PHKB: variants seen among roughly 807,000 people sequenced by gnomAD.
The protein encoded by PHKB is phosphorylase b kinase regulatory subunit beta.
A neutral mutation model predicts 152.1 loss-of-function variants in PHKB; 122 were observed. That is an observed-to-expected ratio of 0.80 (90% CI 0.69 to 0.93). The LOEUF (loss-of-function observed/expected upper bound fraction) is 0.93, where lower values mean the gene tolerates loss of function less well. PHKB is among the 40% of genes least tolerant of loss of function. The pLI is 0.00. For synonymous variants in PHKB, 436 were observed against 464.9 expected (o/e 0.94, Z 0.80); for missense variants, 1,304 against 1,328.4 (o/e 0.98, Z 0.29).
chr16:47,623,780 A>G (rs1330766721), intron 14 of PHKB, among the ~76,000 whole-genome samples: 1 of 151,628 alleles, frequency 6.6e-6, no homozygotes, highest in Non-Finnish European at 1.5e-5. Flanking sequence ...TTGGTCTCGA[A>G]CTCCTGATCT....
At chr16:47,504,264 T>C (rs986073039) in intron 4 of PHKB, among the ~76,000 whole-genome samples, 6 of 152,242 alleles carry the variant, frequency 3.9e-5, no homozygotes, top group African/African-American at 1.2e-4. Flanking sequence ...TTGTAACATA[T>C]GTAAAATGTC....
intron 6 of PHKB, among the ~76,000 whole-genome samples, chr16:47,539,380 T>G (rs1158320788): frequency 6.6e-6 from 1 of 152,088 alleles, no homozygotes; most frequent in Admixed American, 6.6e-5. Context: ...TTTTAATATC[T>G]AAAGTTTTAG....
chr16:47,511,641 G>T, intron 4 of PHKB, 24 bp from the exon 5 acceptor site: 5 of 1,466,116 alleles, frequency 3.4e-6, no homozygotes, highest in Non-Finnish European at 4.8e-6. Context: ...TACTAATGTT[G>T]TTTAATTTTA....
intron 1 of PHKB, among the ~76,000 whole-genome samples, chr16:47,479,744 C>T (rs1392914178): frequency 2.0e-5 from 3 of 152,168 alleles, no homozygotes; most frequent in Non-Finnish European, 4.4e-5. Context: ...TCCTCATATT[C>T]CAAACTTGAA....
At chr16:47,533,514 C>G (rs1030815886) in intron 6 of PHKB, among the ~76,000 whole-genome samples, 1 of 152,202 alleles carries the variant, frequency 6.6e-6, no homozygotes, top group African/African-American at 2.4e-5. Flanking sequence ...GCCTTGGCTT[C>G]CCTTAGGTGT....
chr16:47,660,893 G>T, intron 22 of PHKB, 74 bp downstream of exon 22: 1 of 1,445,742 alleles, frequency 6.9e-7, no homozygotes, highest in Non-Finnish European at 9.7e-7. Context: ...CAGACCATAT[G>T]TCTTTTTGTC....
chr16:47,540,080 C>G (rs998738707), intron 6 of PHKB, among the ~76,000 whole-genome samples: 2 of 152,088 alleles, frequency 1.3e-5, no homozygotes, highest in Non-Finnish European at 2.9e-5. Flanking sequence ...AATTCTTTTC[C>G]TAGCAAATAA....
intron 1 of PHKB, among the ~76,000 whole-genome samples, chr16:47,473,218 ATTT>A (rs1043960499): frequency 2.5e-4 from 12 of 48,760 alleles, no homozygotes; most frequent in East Asian, 2.3e-3. Flanking sequence ...TGCCTGGCTA[ATTT>A]TTTTTTTTTT....
intron 8 of PHKB, among the ~76,000 whole-genome samples, chr16:47,584,295 ATAT>A (rs1191273678): frequency 6.6e-6 from 1 of 152,164 alleles, no homozygotes; most frequent in Admixed American, 6.5e-5. Flanking sequence ...ATATATTTAA[ATAT>A]TATTTAAATA....
At chr16:47,610,747 G>T in intron 13 of PHKB, 79 bp from the exon 14 acceptor site, 1 of 798,836 alleles carries the variant, frequency 1.3e-6, no homozygotes, top group Non-Finnish European at 2.2e-6. Context: ...TCTTGTTGGA[G>T]TATTTTCTAA....
At chr16:47,600,633 A>G (rs1381313778) in intron 13 of PHKB, among the ~76,000 whole-genome samples, 3 of 152,196 alleles carry the variant, frequency 2.0e-5, no homozygotes, top group African/African-American at 7.2e-5. Flanking sequence ...TACCTAGCCT[A>G]TATGATATAG....
rs971545151 is a variant in PHKB at position 47,678,767 on chromosome 16, T to C, written c.2630+9350T>C. Reference sequence around the variant, plus strand: ...TTTCTTTTGCTGTGCAGAAGCTCTTTAGTTTAATTAGATCCCATTTGTCAA... The same window carrying C: ...TTTCTTTTGCTGTGCAGAAGCTCTTCAGTTTAATTAGATCCCATTTGTCAA... On this transcript the variant is annotated intron_variant, in intron 26 of 30. Coordinates refer to ENST00000323584, the MANE Select transcript of PHKB (RefSeq NM_000293.3). Among the ~76,000 whole-genome samples, 56 of 152,172 alleles carry C rather than the reference T, an allele frequency of 3.7e-4. 1 individual carries two copies. In the Middle Eastern group the frequency reaches 0.01, roughly 28 times the overall value.
intron 28 of PHKB, among the ~76,000 whole-genome samples, chr16:47,695,585 T>C (rs1200385264): frequency 6.6e-6 from 1 of 152,194 alleles, no homozygotes; most frequent in African/African-American, 2.4e-5. Context: ...TAGATAGACA[T>C]GGTTCTGAAC....
intron 6 of PHKB, among the ~76,000 whole-genome samples, chr16:47,542,548 C>T (rs569382969): frequency 6.6e-6 from 1 of 152,212 alleles, no homozygotes; most frequent in African/African-American, 2.4e-5. Flanking sequence ...AAGTCCTTGG[C>T]AGCTTGTTAG....
chr16:47,646,553 A>T (rs957613473), intron 16 of PHKB, among the ~76,000 whole-genome samples: 2 of 146,266 alleles, frequency 1.4e-5, no homozygotes, highest in African/African-American at 5.2e-5. Flanking sequence ...AACATTAAAA[A>T]TAAAAAATAA....
chr16:47,511,829 C>A, intron 5 of PHKB, 57 bp downstream of exon 5: 1 of 1,169,378 alleles, frequency 8.6e-7, no homozygotes, highest in Non-Finnish European at 1.3e-6. Context: ...GAACAGTGAT[C>A]CCCAACCTTT....
intron 7 of PHKB, among the ~76,000 whole-genome samples, chr16:47,567,060 C>G (rs1971582019): frequency 6.6e-6 from 1 of 152,076 alleles, no homozygotes; most frequent in African/African-American, 2.4e-5. Flanking sequence ...CTTTGGATTA[C>G]TTTGACTATT....
chr16:47,464,388 C>T (rs1323624408), intron 1 of PHKB, among the ~76,000 whole-genome samples: 4 of 152,212 alleles, frequency 2.6e-5, no homozygotes, highest in African/African-American at 9.7e-5. Context: ...CATCAGCTTA[C>T]TGTGAAGCAG....
At chr16:47,699,118 T>C in intron 30 of PHKB, 111 bp from the exon 31 acceptor site, 1 of 994,512 alleles carries the variant, frequency 1.0e-6, no homozygotes, top group South Asian at 1.3e-5. Flanking sequence ...ATATTTTCCA[T>C]AAGGAAATCT....
Sources: allele counts gnomAD v4.1 joint callset (sites outside exome capture counted in the v4.1 genomes callset), GRCh38; gene constraint gnomAD v4.1.1; transcripts MANE v1.5; gene names NCBI Gene and HGNC (gene_info 2026-07-23, HGNC 2026-07-21).